The following SOX5 variants were observed in gnomAD, a reference collection of about 807,000 sequenced individuals.
The protein encoded by SOX5 is SRY-box transcription factor 5.
In SOX5, 9 loss-of-function variants were observed where a neutral mutation model predicts 92.0. That is an observed-to-expected ratio of 0.10 (90% CI 0.06 to 0.17). The LOEUF (loss-of-function observed/expected upper bound fraction) is 0.17, where lower values mean the gene tolerates loss of function less well. Among genes scored for constraint, SOX5 ranks in the 10% least tolerant of loss-of-function variants. The pLI, the probability that SOX5 is intolerant of heterozygous loss-of-function variation, is 1.00. For synonymous variants in SOX5, 344 were observed against 336.3 expected (o/e 1.02, Z -0.25); for missense variants, 642 against 944.5 (o/e 0.68, Z 4.20).
At chr12:23,947,730 G>A (rs1323211255) in intron 1 of SOX5, among the ~76,000 whole-genome samples, 1 of 151,238 alleles carries the variant, frequency 6.6e-6, no homozygotes, top group South Asian at 2.1e-4. Flanking sequence ...CCCACCAGGA[G>A]GAAAAAAGAT....
At chr12:24,246,119 T>C (rs1262676817) in intron 3 of SOX5, among the ~76,000 whole-genome samples, 1 of 152,198 alleles carries the variant, frequency 6.6e-6, no homozygotes, top group East Asian at 1.9e-4. Flanking sequence ...GGTGTATACA[T>C]ATTTAAAATT....
intron 8 of SOX5, among the ~76,000 whole-genome samples, chr12:23,619,289 C>A (rs934256002): frequency 2.0e-5 from 3 of 152,074 alleles, no homozygotes; most frequent in Non-Finnish European, 4.4e-5. Flanking sequence ...CAATAATAAT[C>A]ATAATAGCTG....
chr12:23,652,181 A>G (rs2081657988), intron 7 of SOX5, among the ~76,000 whole-genome samples: 1 of 152,064 alleles, frequency 6.6e-6, no homozygotes, highest in South Asian at 2.1e-4. Flanking sequence ...CCAAATTTTA[A>G]TGAACATATA....
chr12:24,082,741 CTTTT>C (rs938741308), intron 4 of SOX5, among the ~76,000 whole-genome samples: 2 of 150,958 alleles, frequency 1.3e-5, no homozygotes, highest in African/African-American at 4.9e-5. Flanking sequence ...ACTGTTTGAT[CTTTT>C]TTTTTCTTAG....
At chr12:24,496,760 C>T (rs1169005331) in intron 1 of SOX5, among the ~76,000 whole-genome samples, 2 of 152,200 alleles carry the variant, frequency 1.3e-5, no homozygotes, top group African/African-American at 4.8e-5. Context: ...AATAAAAGAG[C>T]ACCCAAAGAA....
At chr12:23,893,252 C>A (rs561761343) in intron 2 of SOX5, among the ~76,000 whole-genome samples, 1 of 152,162 alleles carries the variant, frequency 6.6e-6, no homozygotes, top group East Asian at 1.9e-4. Context: ...TCGAGACCAT[C>A]CTGGCCAACA....
chr12:24,353,841 A>C (rs1017687789), intron 2 of SOX5, among the ~76,000 whole-genome samples: 1 of 151,756 alleles, frequency 6.6e-6, no homozygotes, highest in South Asian at 2.1e-4. Context: ...GGGTTTCACC[A>C]TGTTGGCCAG....
chr12:23,770,524 C>T (rs961620519), intron 3 of SOX5, among the ~76,000 whole-genome samples: 1 of 148,110 alleles, frequency 6.8e-6, no homozygotes, highest in Non-Finnish European at 1.5e-5. Context: ...TTTTAAAAAT[C>T]TCAGAAAAAA....
At chr12:23,874,903 G>C (rs1440251401) in intron 2 of SOX5, among the ~76,000 whole-genome samples, 1 of 152,160 alleles carries the variant, frequency 6.6e-6, no homozygotes. Flanking sequence ...TAGAAGAAGG[G>C]GGAAAGGCAA....
chr12:24,216,504 C>T (rs1959176830), intron 3 of SOX5, among the ~76,000 whole-genome samples: 1 of 151,960 alleles, frequency 6.6e-6, no homozygotes, highest in South Asian at 2.1e-4. Context: ...AATAAAAAAT[C>T]CCATGTAATT....
rs960276871 is a variant in SOX5 at position 23,883,969 on chromosome 12, AT to A, written c.270+11823del. ...TACAGTGTTTGATTTCTCATTTCAA[AT>A]TTTTTTTTTCTCTAGCTTAAGGTTT... On this transcript the variant is annotated intron_variant, in intron 2 of 14. Transcript: ENST00000451604. Among the ~76,000 whole-genome samples, 363 of 150,866 alleles carry A rather than the reference AT, an allele frequency of 2.4e-3. 2 individuals carry two copies. The highest frequency in any genetic ancestry group is 7.8e-3 in the African/African-American group (321 of 41,188).
At chr12:23,870,649 CATA>C (rs1340600045) in intron 2 of SOX5, among the ~76,000 whole-genome samples, 1 of 152,124 alleles carries the variant, frequency 6.6e-6, no homozygotes, top group African/African-American at 2.4e-5. Context: ...ATCACAATCC[CATA>C]ATAACTATTC....
At chr12:24,369,206 T>A (rs966342914) in intron 1 of SOX5, among the ~76,000 whole-genome samples, 17 of 152,224 alleles carry the variant, frequency 1.1e-4, no homozygotes, top group African/African-American at 4.1e-4. Flanking sequence ...CCTTCAGCTA[T>A]GAGAACATGA....
chr12:23,579,683 ACTTT>A (rs1176763122), intron 9 of SOX5, among the ~76,000 whole-genome samples: 2 of 152,126 alleles, frequency 1.3e-5, no homozygotes, highest in Admixed American at 6.5e-5. Flanking sequence ...GACTTCTCTT[ACTTT>A]GTTTTTTACT....
At chr12:23,840,184 C>T (rs558418513) in intron 3 of SOX5, among the ~76,000 whole-genome samples, 22 of 151,590 alleles carry the variant, frequency 1.5e-4, no homozygotes, top group Non-Finnish European at 3.2e-4. Flanking sequence ...ATTTCAGCAA[C>T]AAACAATTGA....
At chr12:23,792,650 A>C (rs1014648618) in intron 3 of SOX5, among the ~76,000 whole-genome samples, 5 of 140,634 alleles carry the variant, frequency 3.6e-5, no homozygotes, top group South Asian at 2.3e-4. Flanking sequence ...AAAAAAAAAA[A>C]AAAAAAAAAA....
chr12:24,336,683 A>G (rs574590260), intron 2 of SOX5, among the ~76,000 whole-genome samples: 1 of 152,298 alleles, frequency 6.6e-6, no homozygotes, highest in South Asian at 2.1e-4. Flanking sequence ...ACCTAAATAT[A>G]GTGTGCTAAA....
intron 4 of SOX5, among the ~76,000 whole-genome samples, chr12:24,189,316 T>A (rs977592637): frequency 6.6e-6 from 1 of 152,186 alleles, no homozygotes; most frequent in Admixed American, 6.5e-5. Flanking sequence ...TCCTTTAATT[T>A]CTTAAGCTGG....
chr12:23,770,297 A>G (rs2094890201), intron 3 of SOX5, among the ~76,000 whole-genome samples: 1 of 150,810 alleles, frequency 6.6e-6, no homozygotes, highest in African/African-American at 2.4e-5. Flanking sequence ...CCACCCACCC[A>G]ACGCAGAGGA....
Sources: allele counts gnomAD v4.1 joint callset (sites outside exome capture counted in the v4.1 genomes callset), GRCh38; gene constraint gnomAD v4.1.1; transcripts MANE v1.5; gene names NCBI Gene and HGNC (gene_info 2026-07-23, HGNC 2026-07-21).